CNGB3: variants seen among roughly 807,000 people sequenced by gnomAD.
The protein encoded by CNGB3 is cyclic nucleotide gated channel subunit beta 3, also known as cyclic nucleotide-gated channel beta-3.
Under a neutral mutation model 92.8 loss-of-function variants are expected in CNGB3, and 86 were observed. That is an observed-to-expected ratio of 0.93 (90% CI 0.78 to 1.11). CNGB3 has a LOEUF of 1.11. CNGB3 is among the 50% of genes least tolerant of loss of function. The pLI is 0.00. For synonymous variants in CNGB3, 333 were observed against 332.7 expected, an observed-to-expected ratio of 1.00 and a Z score of -0.01; for missense variants, 1,026 against 956.8, an observed-to-expected ratio of 1.07 and a Z score of -0.95.
chr8:86,605,308 A>G (rs2131560118), intron 14 of CNGB3, among the ~76,000 whole-genome samples: 1 of 152,338 alleles, frequency 6.6e-6, no homozygotes, highest in South Asian at 2.1e-4. Context: ...TTCCAAAAAG[A>G]ATAGATGTCT....
chr8:86,730,787 T>C (rs1319601286), intron 2 of CNGB3, among the ~76,000 whole-genome samples: 1 of 152,196 alleles, frequency 6.6e-6, no homozygotes, highest in Non-Finnish European at 1.5e-5. Context: ...TTAATCACAC[T>C]TGAAATTTTA....
In CNGB3 at chr8:86,576,969, T is replaced by G. The variant is rs576140540; in HGVS notation, c.2104-839A>C. 3.3e-5 allele frequency among the ~76,000 whole-genome samples: 5 copies of G among 152,340 alleles called. No individual in the cohort carries two copies. In the East Asian group the frequency reaches 5.8e-4, roughly 18 times the overall value. ...TGTATGTGACTGACTTTATAATATG[T>G]GCTTTACTTATTTTCTGAAAGGTCC... On this transcript the variant is annotated intron_variant, in intron 17 of 17. Coordinates refer to ENST00000320005, the MANE Select transcript of CNGB3 (RefSeq NM_019098.5).
intron 14 of CNGB3, among the ~76,000 whole-genome samples, chr8:86,610,626 C>T (rs974485186): frequency 1.3e-5 from 2 of 152,142 alleles, no homozygotes; most frequent in African/African-American, 2.4e-5. Context: ...GATAAAAGTG[C>T]CTCTCATCTT....
rs779908927 is a variant in CNGB3, at chr8:86,628,912, T to C, written c.1480+7A>G. The C allele has an allele frequency of 1.4e-5, 22 of 1,613,630 alleles. No individual in the cohort carries two copies. Among genetic ancestry groups the C allele is most frequent in the Non-Finnish European group, 1.9e-5 (22 of 1,179,578 alleles). On this transcript the variant is annotated splice_region_variant and intron_variant, in intron 12 of 17. Coordinates refer to ENST00000320005, the MANE Select transcript of CNGB3 (RefSeq NM_019098.5). ...CAGGAATTTAATCGGTAATCTGCCA[T>C]GCTTACCTAGCATTCTTTGAGAGTC...
At chr8:86,703,564 T>C (rs1210820332) in intron 3 of CNGB3, among the ~76,000 whole-genome samples, 1 of 152,228 alleles carries the variant, frequency 6.6e-6, no homozygotes, top group Non-Finnish European at 1.5e-5. Flanking sequence ...TGCATGTTTA[T>C]GGGTGTTAAA....
intron 15 of CNGB3, among the ~76,000 whole-genome samples, chr8:86,599,803 T>G (rs1822251850): frequency 6.6e-6 from 1 of 152,172 alleles, no homozygotes; most frequent in Non-Finnish European, 1.5e-5. Flanking sequence ...GCCTGAAACT[T>G]CATTAGCAAT....
chr8:86,644,490 A>G, intron 9 of CNGB3, 132 bp downstream of exon 9: 4 of 1,174,804 alleles, frequency 3.4e-6, no homozygotes, highest in Non-Finnish European at 3.5e-6. Context: ...ACATAGTCCT[A>G]TATTTTATAT....
At chr8:86,659,631 C>T in intron 6 of CNGB3, 1 of 513,402 alleles carries the variant, frequency 1.9e-6, no homozygotes. Flanking sequence ...GCCAGGAATA[C>T]TGCAGGCAGC....
chr8:86,587,735 C>A (rs1323448024), intron 15 of CNGB3, among the ~76,000 whole-genome samples: 1 of 149,526 alleles, frequency 6.7e-6, no homozygotes, highest in African/African-American at 2.5e-5. Flanking sequence ...GTTTTGGTTA[C>A]TGTAGCCTTG....
At chr8:86,640,372 CTA>C (rs1195353546) in intron 10 of CNGB3, among the ~76,000 whole-genome samples, 3 of 152,060 alleles carry the variant, frequency 2.0e-5, no homozygotes, top group African/African-American at 7.2e-5. Context: ...TGCTGAAGTT[CTA>C]TGTCACCAAA....
At chr8:86,650,235 T>C (rs776143197) in intron 7 of CNGB3, among the ~76,000 whole-genome samples, 21 of 151,492 alleles carry the variant, frequency 1.4e-4, no homozygotes, top group Non-Finnish European at 3.1e-4. Context: ...CAAATCATAA[T>C]GATTTTTTTT....
chr8:86,623,604 A>T (rs1311076484), intron 13 of CNGB3, among the ~76,000 whole-genome samples: 1 of 152,146 alleles, frequency 6.6e-6, no homozygotes, highest in Non-Finnish European at 1.5e-5. Context: ...AGACTCAATC[A>T]CTTCCCAAAA....
intron 15 of CNGB3, chr8:86,594,583 C>T: frequency 3.5e-6 from 1 of 283,860 alleles, no homozygotes; most frequent in South Asian, 3.6e-5. Flanking sequence ...CTGTCACCTT[C>T]ACCCTGAGAG....
intron 3 of CNGB3, among the ~76,000 whole-genome samples, chr8:86,713,520 A>G (rs1824789609): frequency 6.6e-6 from 1 of 152,200 alleles, no homozygotes; most frequent in Non-Finnish European, 1.5e-5. Context: ...TGATGTTCAA[A>G]TATACTGTAT....
At chr8:86,730,250 T>C (rs1825135689) in intron 2 of CNGB3, among the ~76,000 whole-genome samples, 1 of 152,162 alleles carries the variant, frequency 6.6e-6, no homozygotes, top group African/African-American at 2.4e-5. Flanking sequence ...GATGTGGAAA[T>C]CCATTAACCT....
chr8:86,620,217 A>G (rs918200572), intron 13 of CNGB3, among the ~76,000 whole-genome samples: 19 of 152,218 alleles, frequency 1.2e-4, no homozygotes, highest in Non-Finnish European at 2.6e-4. Context: ...GGATAGTAAC[A>G]AAGCTTTCAT....
intron 3 of CNGB3, among the ~76,000 whole-genome samples, chr8:86,708,642 A>T (rs1586029332): frequency 1.5e-5 from 2 of 137,124 alleles, no homozygotes; most frequent in Admixed American, 8.4e-5. Flanking sequence ...ATCACGGCTC[A>T]CTGTAGCCTC....
chr8:86,605,001 A>C (rs1822386340), intron 14 of CNGB3, among the ~76,000 whole-genome samples: 1 of 152,136 alleles, frequency 6.6e-6, no homozygotes, highest in East Asian at 1.9e-4. Flanking sequence ...AGAACATTGG[A>C]CCCAAGACTA....
chr8:86,634,105 G>T (rs1823017378), intron 10 of CNGB3, among the ~76,000 whole-genome samples: 1 of 152,122 alleles, frequency 6.6e-6, no homozygotes, highest in Admixed American at 6.6e-5. Flanking sequence ...GATTAGTAAA[G>T]AACATATAAC....
Sources: gnomAD v4.1 joint callset for allele counts (sites outside exome capture counted in the v4.1 genomes callset) on GRCh38, gnomAD v4.1.1 for gene constraint, MANE v1.5 for transcripts, NCBI Gene and HGNC (gene_info 2026-07-23, HGNC 2026-07-21) for gene names.